The following SPRED1 variants were observed in gnomAD, a reference collection of about 807,000 sequenced individuals.
SPRED1 encodes sprouty-related, EVH1 domain-containing protein 1.
Under a neutral mutation model 52.3 loss-of-function variants are expected in SPRED1, and 18 were observed. The observed-to-expected ratio is 0.34, with a 90% CI of 0.24 to 0.51. The LOEUF is 0.51. Ranked by LOEUF, SPRED1 falls within the 20% of genes least tolerant of loss-of-function variation. The pLI is 0.97. For missense variants in SPRED1, 485 were observed against 551.0 expected (o/e 0.88, Z 1.20); for synonymous variants, 155 against 179.7 (o/e 0.86, Z 1.10).
intron 2 of SPRED1, among the ~76,000 whole-genome samples, chr15:38,316,113 A>T (rs1895474713): frequency 6.6e-6 from 1 of 151,976 alleles, no homozygotes; most frequent in African/African-American, 2.4e-5. Flanking sequence ...TAATCATTTT[A>T]TTTTGAACAC....
chr15:38,336,034 A>G (rs1490151133), intron 4 of SPRED1, among the ~76,000 whole-genome samples: 1 of 152,062 alleles, frequency 6.6e-6, no homozygotes, highest in Non-Finnish European at 1.5e-5. Context: ...TTTATTTCCA[A>G]CTTTTTATCT....
Position 38,349,508 on chromosome 15 carries a change from A to G in SPRED1, c.669A>G (p.Leu223=), listed in dbSNP as rs774530752. The change falls in exon 6 of 7, where the codon CTA becomes CTG. Residue 223 remains leucine, a synonymous_variant. Coordinates refer to ENST00000299084, the MANE Select transcript of SPRED1 (RefSeq NM_152594.3). ...QRQISKECGS[L]KSQNRVPLKS... ...AAATATCCAAGGAATGTGGAAGCCT[A>G]AAGTCCCAAAATAGGGTAAGTAATG... 3.1e-6 allele frequency: 5 copies of G among 1,610,064 alleles called. No individual in the cohort carries two copies. The highest frequency in any genetic ancestry group is 1.3e-5 in the African/African-American group (1 of 74,956).
chr15:38,323,997 T>TA (rs879712715), intron 3 of SPRED1, among the ~76,000 whole-genome samples: 1 of 152,146 alleles, frequency 6.6e-6, no homozygotes, highest in Non-Finnish European at 1.5e-5. Context: ...TTTTGAACAT[T>TA]AAAAAACATT....
intron 4 of SPRED1, among the ~76,000 whole-genome samples, chr15:38,336,380 A>ATGTGTGTGTGTGTGTGTGTGTGTGTG (rs35912838): frequency 1.8e-4 from 24 of 134,296 alleles, no homozygotes; most frequent in South Asian, 2.5e-4. Flanking sequence ...GATAAAGAAA[A>ATGTGTGTGTGTGTGTGTGTGTGTGTG]TGTGTGTGTG....
Position 38,351,753 on chromosome 15 carries a change from A to ATTCC in SPRED1, c.*89_*90insTTCC. The ATTCC allele has an allele frequency of 6.8e-7, 1 of 1,464,266 alleles. No homozygotes were observed. Among genetic ancestry groups the ATTCC allele is most frequent in the Non-Finnish European group, 9.3e-7 (1 of 1,071,716 alleles). 90.7% of individuals were successfully genotyped at this position (1,464,266 alleles called of 1,614,324 possible). ...TGGAAGCTTTTGGCAAGCAATATGGAATCTTGCCTGGTATCATTGAGCCCA... is the reference window on the plus strand; with the variant it reads ...TGGAAGCTTTTGGCAAGCAATATGGATTCCATCTTGCCTGGTATCATTGAGCCCA... On this transcript the variant is annotated 3_prime_UTR_variant, in exon 7 of 7. Transcript: ENST00000299084.
intron 4 of SPRED1, among the ~76,000 whole-genome samples, chr15:38,339,182 T>C (rs2141007283): frequency 6.6e-6 from 1 of 152,226 alleles, no homozygotes; most frequent in Admixed American, 6.5e-5. Context: ...GTGTCATTTA[T>C]TGAGCATATC....
At chr15:38,275,914 G>T (rs972589396) in intron 1 of SPRED1, among the ~76,000 whole-genome samples, 11 of 152,174 alleles carry the variant, frequency 7.2e-5, no homozygotes, top group Non-Finnish European at 1.5e-4. Flanking sequence ...CCTTCTTATT[G>T]TGGAGTCTGG....
In SPRED1 at chr15:38,357,218, A is replaced by G. The variant is rs531356888; in HGVS notation, c.*5554A>G. On this transcript the variant is annotated 3_prime_UTR_variant, in exon 7 of 7. Transcript: ENST00000299084. ...GATCTGAAATGATGGTTCAAAAAAT[A>G]CATTCATAATAAAAGTCTTAACAAA... 6.6e-6 allele frequency: 1 copy of G among 152,380 alleles called. No homozygotes were observed. The highest frequency in any genetic ancestry group is 1.9e-4 in the East Asian group (1 of 5,192). 9.4% of individuals were successfully genotyped at this position (152,380 alleles called of 1,614,324 possible).
At chr15:38,341,570 C>T (rs183121669) in intron 5 of SPRED1, among the ~76,000 whole-genome samples, 46 of 152,116 alleles carry the variant, frequency 3.0e-4, no homozygotes, top group South Asian at 1.9e-3. Flanking sequence ...AGTGAACTAC[C>T]GTATGCTACT....
intron 1 of SPRED1, among the ~76,000 whole-genome samples, chr15:38,268,874 T>C (rs532671630): frequency 6.6e-6 from 1 of 152,298 alleles, no homozygotes; most frequent in Non-Finnish European, 1.5e-5. Context: ...ATTTTCAGTC[T>C]TTGAAATCAT....
At chr15:38,296,945 G>A (rs1229566778) in intron 1 of SPRED1, among the ~76,000 whole-genome samples, 6 of 152,132 alleles carry the variant, frequency 3.9e-5, no homozygotes, top group African/African-American at 4.8e-5. Context: ...GGTGCCCATC[G>A]CTTTTTGGCT....
At chr15:38,346,378 C>T (rs1566875194) in intron 5 of SPRED1, among the ~76,000 whole-genome samples, 1 of 151,972 alleles carries the variant, frequency 6.6e-6, no homozygotes, top group Non-Finnish European at 1.5e-5. Flanking sequence ...GCCTGGAAGC[C>T]ATTATAGTTC....
chr15:38,306,817 T>C (rs1014025209), intron 2 of SPRED1, among the ~76,000 whole-genome samples: 3 of 152,208 alleles, frequency 2.0e-5, no homozygotes, highest in East Asian at 3.8e-4. Context: ...GCAAACTCTT[T>C]ATTATTACAT....
At chr15:38,301,786 C>T (rs1042199118) in intron 2 of SPRED1, among the ~76,000 whole-genome samples, 15 of 152,126 alleles carry the variant, frequency 9.9e-5, no homozygotes, top group African/African-American at 3.1e-4. Context: ...TTTGAGATCA[C>T]TAATGTTCAT....
At chr15:38,292,953 A>T (rs1894955277) in intron 1 of SPRED1, among the ~76,000 whole-genome samples, 1 of 152,182 alleles carries the variant, frequency 6.6e-6, no homozygotes, top group South Asian at 2.1e-4. Flanking sequence ...TATTGGGCAC[A>T]TAACAATGAG....
At chr15:38,254,093 G>C (rs1894041977) in intron 1 of SPRED1, among the ~76,000 whole-genome samples, 2 of 151,982 alleles carry the variant, frequency 1.3e-5, no homozygotes, top group South Asian at 4.1e-4. Flanking sequence ...AATAATGGTT[G>C]GCAACACTTT....
At chr15:38,294,480 T>C (rs1245866186) in intron 1 of SPRED1, among the ~76,000 whole-genome samples, 1 of 152,190 alleles carries the variant, frequency 6.6e-6, no homozygotes, top group Non-Finnish European at 1.5e-5. Context: ...GTTGCTGATG[T>C]AGGCAAATTA....
Position 38,349,486 on chromosome 15 carries a change from T to C in SPRED1, c.647T>C (p.Ile216Thr). 2 of 1,612,660 alleles carry C rather than the reference T, an allele frequency of 1.2e-6. No individual in the cohort carries two copies. The highest frequency in any genetic ancestry group is 1.7e-6 in the Non-Finnish European group (2 of 1,178,944). Residue 216 changes from isoleucine (I) to threonine (T), a missense_variant, in exon 6 of 7, where the codon ATA (isoleucine) becomes ACA (threonine). Transcript: ENST00000299084. ...AGTATGGAATACGTACAGCGGCAAA[T>C]ATCCAAGGAATGTGGAAGCCTAAAG... ...SRSMEYVQRQ[I>T]SKECGSLKSQ...
intron 1 of SPRED1, among the ~76,000 whole-genome samples, chr15:38,266,213 T>C (rs1361496173): frequency 6.6e-6 from 1 of 152,214 alleles, no homozygotes; most frequent in African/African-American, 2.4e-5. Context: ...AAATCTTAAA[T>C]GAGCATAAAT....
Sources: allele counts gnomAD v4.1 joint callset (sites outside exome capture counted in the v4.1 genomes callset), GRCh38; gene constraint gnomAD v4.1.1; transcripts MANE v1.5; gene names NCBI Gene and HGNC (gene_info 2026-07-23, HGNC 2026-07-21).